Variants in FLNB observed in about 807,000 individuals in gnomAD.
FLNB encodes filamin-B.
A neutral mutation model predicts 250.6 loss-of-function variants in FLNB; 111 were observed. The observed-to-expected ratio is 0.44, with a 90% CI of 0.38 to 0.52. The LOEUF is 0.52. Among genes scored for constraint, FLNB ranks in the 20% least tolerant of loss-of-function variants. FLNB has a pLI of 0.00. For missense variants in FLNB, 2,869 were observed against 3,447.8 expected (o/e 0.83, Z 4.20); for synonymous variants, 1,302 against 1,372.1 (o/e 0.95, Z 1.13).
At chr3:58,061,811 G>C (rs1008941644) in intron 1 of FLNB, among the ~76,000 whole-genome samples, 1 of 151,816 alleles carries the variant, frequency 6.6e-6, no homozygotes, top group Non-Finnish European at 1.5e-5. Flanking sequence ...TTTTGGGGGG[G>C]CTGGGTGTGG....
rs112305623 is a variant in FLNB at position 58,095,413 on chromosome 3, G to A, written c.906+459G>A. Among the ~76,000 whole-genome samples the A allele has an allele frequency of 1.2e-4, 18 of 152,072 alleles. 1 individual carries two copies. The highest frequency in any genetic ancestry group is 5.8e-4 in the East Asian group (3 of 5,152). ...TGGGATTACAGGGACCTGCCACCAC[G>A]CCTGGCTAATTTTTGTATTTTTAGT... On this transcript the variant is annotated intron_variant, in intron 5 of 45. Coordinates refer to ENST00000295956, the MANE Select transcript of FLNB (RefSeq NM_001457.4).
chr3:58,170,506 T>C (rs1320572879), intron 45 of FLNB, 69 bp from the exon 46 acceptor site: 16 of 1,501,992 alleles, frequency 1.1e-5, no homozygotes, highest in Non-Finnish European at 1.5e-5. Context: ...CCTTTGGCTC[T>C]CATATTTCCT....
chr3:58,030,021 G>A (rs1170360723), intron 1 of FLNB, among the ~76,000 whole-genome samples: 1 of 152,128 alleles, frequency 6.6e-6, no homozygotes, highest in Non-Finnish European at 1.5e-5. Flanking sequence ...TGTGCTAATG[G>A]GTAATCTTAC....
At chr3:58,106,374 A>ATATATATATATATATATATATC in intron 11 of FLNB, among the ~76,000 whole-genome samples, 3 of 136,880 alleles carry the variant, frequency 2.2e-5, no homozygotes, top group African/African-American at 5.6e-5. Context: ...ATATATATAT[A>ATATATATATATATATATATATC]TATCCTCCTG....
At chr3:58,038,343 A>G (rs2097141090) in intron 1 of FLNB, among the ~76,000 whole-genome samples, 1 of 151,984 alleles carries the variant, frequency 6.6e-6, no homozygotes, top group Non-Finnish European at 1.5e-5. Flanking sequence ...CTTATTGTTA[A>G]AAAGAGAGAT....
chr3:58,143,614 G>A lies in FLNB; in HGVS notation c.5425+1G>A, dbSNP rs1349377950. 2 of 1,613,758 alleles carry A rather than the reference G, an allele frequency of 1.2e-6. No homozygotes were observed. The highest frequency in any genetic ancestry group is 1.7e-6 in the Non-Finnish European group (2 of 1,180,050). On this transcript the variant is annotated splice_donor_variant, in intron 32 of 45. Transcript: ENST00000295956. LOFTEE classifies it high-confidence loss of function. ...AAATACATGGGCAGCCACATCCCTG[G>A]TAAGCTGAGTCAGCAGGCCCAGCAG...
intron 22 of FLNB, among the ~76,000 whole-genome samples, chr3:58,124,951 TCTG>T (rs1167485933): frequency 6.6e-6 from 1 of 152,208 alleles, no homozygotes; most frequent in Non-Finnish European, 1.5e-5. Context: ...GCCTGTTTCT[TCTG>T]TTTCACGGGT....
At chr3:58,098,670 A>C (rs1189328014) in intron 7 of FLNB, 41 bp from the exon 8 acceptor site, 1 of 1,602,618 alleles carries the variant, frequency 6.2e-7, no homozygotes, top group Non-Finnish European at 8.5e-7. Flanking sequence ...GAGCTTTCAG[A>C]GAGGGTGACT....
intron 36 of FLNB, 152 bp from the exon 37 acceptor site, chr3:58,149,698 C>A (rs2097341602): frequency 1.1e-6 from 1 of 908,674 alleles, no homozygotes; most frequent in South Asian, 1.5e-5. Flanking sequence ...TACTCATCCC[C>A]CTCTGGGCTT....
chr3:58,116,258 C>T (rs1428709651), intron 18 of FLNB, among the ~76,000 whole-genome samples: 1 of 152,212 alleles, frequency 6.6e-6, no homozygotes, highest in Non-Finnish European at 1.5e-5. Context: ...AAAGCCACCC[C>T]CTGACACGGG....
At position 58,106,847 on chromosome 3, in the gene FLNB, G is replaced by A. The variant is rs763927755; in HGVS notation, c.1915G>A (p.Ala639Thr). Reference sequence around the variant, plus strand: ...CCCGTACATGGCCTTCATCCACCCAGCCACGGGAGGCTACAACCCTGATCT... The same window carrying A: ...CCCGTACATGGCCTTCATCCACCCAACCACGGGAGGCTACAACCCTGATCT... ...DSPYMAFIHPATGGYNPDLVR... is the reference protein window; with the variant it reads ...DSPYMAFIHPTTGGYNPDLVR... Residue 639 changes from alanine (A) to threonine (T), a missense_variant, in exon 12 of 46, where the codon GCC (alanine) becomes ACC (threonine). Around this residue, in one of 5 missense-constraint regions of FLNB, gnomAD observed 1,348 missense variants for 1,466.7 expected, o/e 0.92. Coordinates refer to ENST00000295956, the MANE Select transcript of FLNB (RefSeq NM_001457.4). 2 of 1,613,882 alleles carry A rather than the reference G, an allele frequency of 1.2e-6. No homozygotes were observed. Among genetic ancestry groups the A allele is most frequent in the South Asian group, 2.2e-5 (2 of 91,072 alleles).
At chr3:58,170,167 C>T (rs909200086) in intron 45 of FLNB, among the ~76,000 whole-genome samples, 5 of 152,170 alleles carry the variant, frequency 3.3e-5, no homozygotes, top group African/African-American at 9.7e-5. Context: ...TTCCTCTTCT[C>T]GGAAGTACCT....
intron 1 of FLNB, among the ~76,000 whole-genome samples, chr3:58,034,315 A>G (rs768401170): frequency 2.0e-5 from 3 of 152,100 alleles, no homozygotes; most frequent in Non-Finnish European, 2.9e-5. Flanking sequence ...AAGTGGTTGT[A>G]TTGTTTTACA....
rs200721532 is a variant in FLNB at position 58,008,870 on chromosome 3, C to G, written c.292+14C>G. On this transcript the variant is annotated intron_variant, in intron 1 of 45. Coordinates refer to ENST00000295956, the MANE Select transcript of FLNB (RefSeq NM_001457.4). ...TCGTGTCCATCGGTGAGTTCTCTGGCCGGGCCCAGGCGCCCACTGTGGTGC... is the reference window on the plus strand; with the variant it reads ...TCGTGTCCATCGGTGAGTTCTCTGGGCGGGCCCAGGCGCCCACTGTGGTGC... 5,148 of 1,613,344 alleles carry G rather than the reference C, an allele frequency of 3.2e-3. 7 individuals are homozygous for G. The highest frequency in any genetic ancestry group is 3.8e-3 in the Non-Finnish European group (4,507 of 1,179,880).
At position 58,124,045 on chromosome 3, in the gene FLNB, A is replaced by G. The variant is rs4681799; in HGVS notation, c.3725-287A>G. 0.43 allele frequency among the ~76,000 whole-genome samples: 65,942 copies of G among 152,056 alleles called. 18,126 individuals carry two copies. The highest frequency in any genetic ancestry group is 0.97 in the East Asian group (5,034 of 5,176). On this transcript the variant is annotated intron_variant, in intron 21 of 45. Coordinates refer to ENST00000295956, the MANE Select transcript of FLNB (RefSeq NM_001457.4). ...TTAATTGGAAAAAAGTTTAAAATGT[A>G]GTGTTGTCTAACACCTGCATGCCAC...
At chr3:58,047,375 CTATTTATT>C (rs746376468) in intron 1 of FLNB, among the ~76,000 whole-genome samples, 2 of 151,904 alleles carry the variant, frequency 1.3e-5, no homozygotes, top group African/African-American at 2.4e-5. Context: ...TCAATCAACC[CTATTTATT>C]TATTTATTTT....
chr3:58,143,102 C>G (rs1199670602), intron 31 of FLNB, among the ~76,000 whole-genome samples: 1 of 152,214 alleles, frequency 6.6e-6, no homozygotes, highest in Non-Finnish European at 1.5e-5. Context: ...GACTTTGACA[C>G]TGAGTCTGTC....
At chr3:58,079,260 T>TG (rs1043561024) in intron 3 of FLNB, among the ~76,000 whole-genome samples, 1 of 151,758 alleles carries the variant, frequency 6.6e-6, no homozygotes, top group Non-Finnish European at 1.5e-5. Flanking sequence ...TTAAAATTTT[T>TG]TTTTTTTTTT....
chr3:58,086,025 A>ACT (rs144323352), intron 4 of FLNB, among the ~76,000 whole-genome samples: 7 of 150,000 alleles, frequency 4.7e-5, no homozygotes, highest in Non-Finnish European at 3.0e-5. Context: ...ATAGAGTCTC[A>ACT]CTCTCTCTCT....
Sources: gnomAD v4.1 joint callset for allele counts (sites outside exome capture counted in the v4.1 genomes callset) on GRCh38, gnomAD v4.1.1 for gene constraint, gnomAD v4.1.1 regional missense constraint, MANE v1.5 for transcripts, NCBI Gene and HGNC (gene_info 2026-07-23, HGNC 2026-07-21) for gene names.